The following LRRC4C variants were observed in gnomAD, a reference collection of about 807,000 sequenced individuals.
LRRC4C encodes leucine rich repeat containing 4C, also known as leucine-rich repeat-containing protein 4C.
LRRC4C carries 5 observed loss-of-function variants against 33.6 expected under a neutral mutation model. The ratio of observed to expected loss-of-function variants is 0.15; its 90% CI spans 0.08 to 0.31. The LOEUF (loss-of-function observed/expected upper bound fraction) is 0.31. Ranked by LOEUF, LRRC4C falls within the 10% of genes least tolerant of loss-of-function variation. The pLI, the probability that LRRC4C is intolerant of heterozygous loss-of-function variation, is 1.00. For missense variants in LRRC4C, 560 were observed against 796.7 expected, an observed-to-expected ratio of 0.70 and a Z score of 3.58; for synonymous variants, 329 against 302.0, an observed-to-expected ratio of 1.09 and a Z score of -0.93.
At chr11:40,504,127 C>A (rs1381891516) in intron 3 of LRRC4C, among the ~76,000 whole-genome samples, 1 of 151,978 alleles carries the variant, frequency 6.6e-6, no homozygotes, top group Non-Finnish European at 1.5e-5. Context: ...TGCAAATCTT[C>A]CATTTAGGAT....
chr11:40,384,011 T>A (rs1949004746), intron 3 of LRRC4C, among the ~76,000 whole-genome samples: 1 of 150,840 alleles, frequency 6.6e-6, no homozygotes, highest in Non-Finnish European at 1.5e-5. Flanking sequence ...TTTATCAGAT[T>A]TACGGTTTCC....
rs181245485 is a variant in LRRC4C, at chr11:40,739,508, T to C, written c.-406-91230A>G. 7.6e-4 allele frequency among the ~76,000 whole-genome samples: 116 copies of C among 152,118 alleles called. 1 individual carries two copies. The highest frequency in any genetic ancestry group is 1.5e-3 in the Admixed American group (23 of 15,246). ...TTAATATATACATAGACAATCAATA[T>C]ATACAATTATATATTTGTGTAATAT... On this transcript the variant is annotated intron_variant, in intron 2 of 6. Transcript: ENST00000528697.
intron 1 of LRRC4C, among the ~76,000 whole-genome samples, chr11:41,226,957 G>A (rs778195890): frequency 1.2e-4 from 18 of 151,770 alleles, no homozygotes; most frequent in Non-Finnish European, 2.2e-4. Context: ...TTTGTTATTT[G>A]TCCTTCCTTC....
intron 3 of LRRC4C, among the ~76,000 whole-genome samples, chr11:40,623,128 G>A (rs143534004): frequency 3.0e-4 from 45 of 151,738 alleles, no homozygotes; most frequent in Non-Finnish European, 5.2e-4. Flanking sequence ...GGTCTTGTTA[G>A]CTAGCTAACA....
chr11:40,857,540 C>T (rs1953850893), intron 2 of LRRC4C, among the ~76,000 whole-genome samples: 1 of 152,186 alleles, frequency 6.6e-6, no homozygotes, highest in South Asian at 2.1e-4. Flanking sequence ...GATATAACCA[C>T]TCAGAAATTC....
At chr11:41,407,010 G>A (rs1954267106) in intron 1 of LRRC4C, among the ~76,000 whole-genome samples, 1 of 152,046 alleles carries the variant, frequency 6.6e-6, no homozygotes, top group African/African-American at 2.4e-5. Flanking sequence ...GTGTGGTAAA[G>A]GTATTTTTAG....
intron 3 of LRRC4C, among the ~76,000 whole-genome samples, chr11:40,502,220 C>T (rs1438624005): frequency 5.3e-5 from 8 of 152,184 alleles, no homozygotes; most frequent in Non-Finnish European, 7.4e-5. Context: ...CTAGGAAGTT[C>T]CAAATTTTCC....
intron 3 of LRRC4C, among the ~76,000 whole-genome samples, chr11:40,510,821 A>G (rs1337479278): frequency 1.3e-5 from 2 of 152,190 alleles, no homozygotes; most frequent in East Asian, 3.9e-4. Context: ...ATAGAATAAT[A>G]CAGCCCCTGA....
chr11:41,353,987 A>T (rs746562090), intron 1 of LRRC4C, among the ~76,000 whole-genome samples: 1 of 152,178 alleles, frequency 6.6e-6, no homozygotes, highest in African/African-American at 2.4e-5. Flanking sequence ...GCCCACTGTC[A>T]GCACTCCTAT....
intron 1 of LRRC4C, among the ~76,000 whole-genome samples, chr11:41,364,874 C>G (rs749759043): frequency 1.3e-5 from 2 of 152,060 alleles, no homozygotes; most frequent in Non-Finnish European, 2.9e-5. Flanking sequence ...AGTTTCAACC[C>G]TTTAACATGG....
At position 41,409,394 on chromosome 11, in the gene LRRC4C, TAGAA is replaced by T. The variant is rs1440364095; in HGVS notation, c.-496+50033_-496+50036del. 2.6e-5 allele frequency among the ~76,000 whole-genome samples: 4 copies of T among 152,298 alleles called. No homozygotes were observed. In the South Asian group the frequency reaches 8.3e-4, roughly 32 times the overall value. On this transcript the variant is annotated intron_variant, in intron 1 of 6. Transcript: ENST00000528697. Reference sequence around the variant, plus strand: ...ACTTGGAATAAATGATAAAGAAAAATAGAAAGTGTGTTAAGTTGCTTACTTTCTG... The same window carrying T: ...ACTTGGAATAAATGATAAAGAAAAATAGTGTGTTAAGTTGCTTACTTTCTG...
chr11:40,703,005 T>C (rs1945950971), intron 2 of LRRC4C, among the ~76,000 whole-genome samples: 1 of 152,120 alleles, frequency 6.6e-6, no homozygotes, highest in Admixed American at 6.6e-5. Flanking sequence ...AGAGAACATA[T>C]TAGCTTTAAA....
intron 5 of LRRC4C, among the ~76,000 whole-genome samples, chr11:40,153,200 G>A (rs571478758): frequency 1.1e-3 from 170 of 152,256 alleles, no homozygotes; most frequent in African/African-American, 4.0e-3. Flanking sequence ...AACAATCACT[G>A]CAGTTTGGCT....
chr11:40,742,801 T>C (rs1185233333), intron 2 of LRRC4C, among the ~76,000 whole-genome samples: 1 of 152,124 alleles, frequency 6.6e-6, no homozygotes, highest in East Asian at 1.9e-4. Flanking sequence ...CCATTTGTTT[T>C]TGAGCCTCTT....
chr11:41,439,077 C>G (rs1390617077), intron 1 of LRRC4C, among the ~76,000 whole-genome samples: 1 of 152,122 alleles, frequency 6.6e-6, no homozygotes, highest in Non-Finnish European at 1.5e-5. Context: ...CTTTTGGAGT[C>G]TCCAATGTCT....
chr11:40,307,008 A>ATCTATCTCTG (rs1945070829), intron 4 of LRRC4C, among the ~76,000 whole-genome samples: 1 of 149,660 alleles, frequency 6.7e-6, no homozygotes, highest in African/African-American at 2.5e-5. Flanking sequence ...CTATGTATCT[A>ATCTATCTCTG]TCTATCTAAT....
intron 1 of LRRC4C, among the ~76,000 whole-genome samples, chr11:41,154,171 C>T (rs1313194837): frequency 1.3e-5 from 2 of 152,126 alleles, no homozygotes; most frequent in Admixed American, 1.3e-4. Flanking sequence ...TGGAAACTAG[C>T]ACATTCATAA....
intron 1 of LRRC4C, among the ~76,000 whole-genome samples, chr11:41,437,938 T>C: frequency 6.6e-6 from 1 of 151,882 alleles, no homozygotes; most frequent in Non-Finnish European, 1.5e-5. Flanking sequence ...TGTGGGAGGC[T>C]GAGGAAGGAG....
At chr11:40,481,948 T>C (rs994325324) in intron 3 of LRRC4C, among the ~76,000 whole-genome samples, 2 of 152,208 alleles carry the variant, frequency 1.3e-5, no homozygotes, top group African/African-American at 4.8e-5. Context: ...GAATAATATT[T>C]ACTACCTGGT....
Sources: gnomAD v4.1 joint callset for allele counts (sites outside exome capture counted in the v4.1 genomes callset) on GRCh38, gnomAD v4.1.1 for gene constraint, MANE v1.5 for transcripts, NCBI Gene and HGNC (gene_info 2026-07-23, HGNC 2026-07-21) for gene names.